Variants in MDGA2 observed in about 807,000 individuals in gnomAD.
MDGA2 encodes MAM domain-containing glycosylphosphatidylinositol anchor protein 2.
MDGA2 carries 40 observed loss-of-function variants against 117.8 expected under a neutral mutation model. The ratio of observed to expected loss-of-function variants is 0.34; its 90% CI spans 0.26 to 0.44. MDGA2 has a LOEUF of 0.44. MDGA2 is among the 20% of genes least tolerant of loss of function. The pLI is 1.00. For synonymous variants in MDGA2, 452 were observed against 439.0 expected (o/e 1.03, Z -0.37); for missense variants, 1,123 against 1,250.6 (o/e 0.90, Z 1.54).
chr14:47,116,812 AG>A (rs1881353978), intron 5 of MDGA2, among the ~76,000 whole-genome samples: 1 of 152,126 alleles, frequency 6.6e-6, no homozygotes, highest in African/African-American at 2.4e-5. Context: ...AACTACTATA[AG>A]AAAACATAGA....
intron 3 of MDGA2, among the ~76,000 whole-genome samples, chr14:47,175,923 C>T (rs559455777): frequency 2.6e-5 from 4 of 152,194 alleles, no homozygotes; most frequent in African/African-American, 4.8e-5. Context: ...CCCAAAATCT[C>T]CTTAAGCTGA....
chr14:47,242,448 G>C, intron 2 of MDGA2, among the ~76,000 whole-genome samples: 1 of 151,894 alleles, frequency 6.6e-6, no homozygotes, highest in East Asian at 1.9e-4. Context: ...TGGAGGGAGA[G>C]GCACGAGCGG....
chr14:47,060,161 A>C (rs1889831603), intron 7 of MDGA2, among the ~76,000 whole-genome samples: 2 of 152,098 alleles, frequency 1.3e-5, no homozygotes, highest in African/African-American at 4.8e-5. Context: ...AAACACAAGT[A>C]CTTTTCATCA....
chr14:47,234,242 T>C (rs958041841), intron 2 of MDGA2, among the ~76,000 whole-genome samples: 2 of 150,222 alleles, frequency 1.3e-5, no homozygotes, highest in Admixed American at 6.7e-5. Context: ...TAAATATTCA[T>C]ATTATATATT....
chr14:47,429,985 G>A (rs1271222485), intron 1 of MDGA2, among the ~76,000 whole-genome samples: 3 of 148,818 alleles, frequency 2.0e-5, no homozygotes, highest in Non-Finnish European at 4.4e-5. Context: ...GGAAAAGCAT[G>A]TGCAAAGTCC....
chr14:47,300,999 T>C (rs1045812810), intron 2 of MDGA2, among the ~76,000 whole-genome samples: 1 of 152,184 alleles, frequency 6.6e-6, no homozygotes, highest in Non-Finnish European at 1.5e-5. Flanking sequence ...ATGCTTCACA[T>C]TCTTCAGAAC....
chr14:47,446,982 G>A lies in MDGA2; in HGVS notation c.281-145432C>T, dbSNP rs17118693. 4.5e-4 allele frequency among the ~76,000 whole-genome samples: 69 copies of A among 152,218 alleles called. No homozygotes were observed. The East Asian group carries it at 6.6e-3, about 14-fold the overall frequency. ...AGTGACTCTAATCATTATATTGAAT[G>A]TGCTGAACACAATGGTATAGAATCA... is the stretch of plus-strand genomic sequence containing the variant. On this transcript the variant is annotated intron_variant, in intron 1 of 16. Coordinates refer to ENST00000399232, the MANE Select transcript of MDGA2 (RefSeq NM_001113498.3).
At chr14:47,311,149 T>C (rs1443881663) in intron 1 of MDGA2, among the ~76,000 whole-genome samples, 2 of 152,118 alleles carry the variant, frequency 1.3e-5, no homozygotes, top group Admixed American at 1.3e-4. Flanking sequence ...ACTTAAATCC[T>C]TCTCTAAAAT....
At chr14:47,340,151 T>C (rs1262861872) in intron 1 of MDGA2, among the ~76,000 whole-genome samples, 4 of 152,084 alleles carry the variant, frequency 2.6e-5, no homozygotes, top group East Asian at 1.9e-4. Context: ...ACAATCTTGA[T>C]AGTCATAATT....
chr14:47,423,333 T>G (rs1892618608), intron 1 of MDGA2, among the ~76,000 whole-genome samples: 1 of 152,218 alleles, frequency 6.6e-6, no homozygotes, highest in Non-Finnish European at 1.5e-5. Flanking sequence ...TAAGTAACTA[T>G]ACCCAATACT....
intron 1 of MDGA2, among the ~76,000 whole-genome samples, chr14:47,417,716 T>G (rs2138500316): frequency 6.6e-6 from 1 of 152,164 alleles, no homozygotes; most frequent in East Asian, 1.9e-4. Context: ...GTACCAATTT[T>G]CCTTCTTTTT....
At chr14:47,617,887 TAA>T (rs1896976096) in intron 1 of MDGA2, among the ~76,000 whole-genome samples, 1 of 152,150 alleles carries the variant, frequency 6.6e-6, no homozygotes, top group South Asian at 2.1e-4. Flanking sequence ...AGTGGATTAA[TAA>T]AAGATTTATA....
chr14:46,974,528 C>T (rs1282737020), intron 8 of MDGA2, among the ~76,000 whole-genome samples: 1 of 152,052 alleles, frequency 6.6e-6, no homozygotes, highest in Non-Finnish European at 1.5e-5. Context: ...TAAAAATAGA[C>T]ATATAGATCA....
At chr14:47,085,560 T>C (rs1388346825) in intron 6 of MDGA2, among the ~76,000 whole-genome samples, 2 of 152,050 alleles carry the variant, frequency 1.3e-5, no homozygotes, top group Non-Finnish European at 2.9e-5. Context: ...AAAACTTGGA[T>C]ATTGGCCATC....
intron 7 of MDGA2, among the ~76,000 whole-genome samples, chr14:47,040,640 G>T (rs180811999): frequency 6.6e-6 from 1 of 152,124 alleles, no homozygotes; most frequent in East Asian, 1.9e-4. Context: ...TGGTCAGAGT[G>T]TCTGGCTCTT....
intron 1 of MDGA2, among the ~76,000 whole-genome samples, chr14:47,367,620 A>G (rs1891258406): frequency 6.6e-6 from 1 of 152,246 alleles, no homozygotes; most frequent in African/African-American, 2.4e-5. Context: ...TCCATGGGCA[A>G]GCCATTCTAA....
intron 1 of MDGA2, among the ~76,000 whole-genome samples, chr14:47,600,592 A>G (rs1401401868): frequency 6.6e-6 from 1 of 151,954 alleles, no homozygotes; most frequent in African/African-American, 2.4e-5. Context: ...GATTTATTGG[A>G]GTTCTATGCT....
chr14:47,509,194 T>G (rs960981585), intron 1 of MDGA2, among the ~76,000 whole-genome samples: 10 of 152,180 alleles, frequency 6.6e-5, no homozygotes, highest in Non-Finnish European at 7.4e-5. Context: ...CATTGAGTAA[T>G]TAAGTAAACT....
intron 2 of MDGA2, among the ~76,000 whole-genome samples, chr14:47,229,656 C>G (rs938660051): frequency 6.7e-6 from 1 of 150,236 alleles, no homozygotes; most frequent in Non-Finnish European, 1.5e-5. Flanking sequence ...TTTTAAAAAT[C>G]TAAAAAAAAA....
Sources: gnomAD v4.1 joint callset for allele counts (sites outside exome capture counted in the v4.1 genomes callset) on GRCh38, gnomAD v4.1.1 for gene constraint, MANE v1.5 for transcripts, NCBI Gene and HGNC (gene_info 2026-07-23, HGNC 2026-07-21) for gene names.